The following GCNT4 variants were observed in gnomAD, a reference collection of about 807,000 sequenced individuals.
GCNT4 encodes the protein glucosaminyl (N-acetyl) transferase 4.
A neutral mutation model predicts 31.3 loss-of-function variants in GCNT4; 17 were observed. The ratio of observed to expected loss-of-function variants is 0.54; its 90% CI spans 0.37 to 0.81. The LOEUF (loss-of-function observed/expected upper bound fraction) is 0.81, where lower values mean the gene tolerates loss of function less well. Among genes scored for constraint, GCNT4 ranks in the 40% least tolerant of loss-of-function variants. The pLI is 0.00. For missense variants in GCNT4, 503 were observed against 525.5 expected (o/e 0.96, Z 0.42); for synonymous variants, 158 against 190.6 (o/e 0.83, Z 1.41).
intron 3 of GCNT4, among the ~76,000 whole-genome samples, chr5:75,036,764 C>T (rs917942951): frequency 3.9e-5 from 6 of 152,164 alleles, no homozygotes; most frequent in Admixed American, 2.0e-4. Flanking sequence ...TCTTCCAGCC[C>T]GTAGAATCAA....
rs1742990163 is a variant in GCNT4, at chr5:75,028,258, G to A, written c.*418C>T. ...CAGTACTTAAACACTACTCTGAAAT[G>A]GGTGGTTTATATGATCAGACGATTA... On this transcript the variant is annotated 3_prime_UTR_variant, in exon 4 of 4. Coordinates refer to ENST00000652361, the MANE Select transcript of GCNT4 (RefSeq NM_001366737.1). 6.0e-6 allele frequency: 1 copy of A among 167,274 alleles called. No individual in the cohort carries two copies. Among genetic ancestry groups the A allele is most frequent in the Non-Finnish European group, 1.3e-5 (1 of 77,988 alleles). The allele number at this position is 167,274 out of a possible 1,614,324, so 10.4% of individuals were successfully genotyped here. A position where few individuals can be genotyped will look rare whatever the true frequency, so the allele number is the denominator to read the frequency against.
chr5:75,050,795 T>C (rs1049167214), intron 2 of GCNT4, among the ~76,000 whole-genome samples: 6 of 152,168 alleles, frequency 3.9e-5, no homozygotes, highest in Non-Finnish European at 8.8e-5. Context: ...CGGCCTTGAA[T>C]CCGCCCAACG....
intron 3 of GCNT4, among the ~76,000 whole-genome samples, chr5:75,041,123 A>T (rs562005797): frequency 1.3e-5 from 2 of 152,262 alleles, no homozygotes; most frequent in Non-Finnish European, 2.9e-5. Context: ...TTTTATGGGC[A>T]ATTCTCCAGG....
intron 3 of GCNT4, chr5:75,030,828 A>C (rs541562164): frequency 5.1e-4 from 86 of 167,182 alleles, no homozygotes; most frequent in African/African-American, 2.0e-3. Context: ...TCAAGCACAA[A>C]GAGGTTCCCT....
At chr5:75,044,034 C>T (rs1394273111) in intron 3 of GCNT4, among the ~76,000 whole-genome samples, 1 of 152,164 alleles carries the variant, frequency 6.6e-6, no homozygotes, top group African/African-American at 2.4e-5. Flanking sequence ...GTCTGCTCGC[C>T]ACGCCTCAGT....
At chr5:75,046,573 T>C (rs535392501) in intron 3 of GCNT4, among the ~76,000 whole-genome samples, 1 of 152,080 alleles carries the variant, frequency 6.6e-6, no homozygotes, top group Non-Finnish European at 1.5e-5. Flanking sequence ...AGGTCTAACC[T>C]ACCCAAGAGC....
chr5:75,053,377 C>A (rs907736317), upstream of GCNT4, among the ~76,000 whole-genome samples: 3 of 152,068 alleles, frequency 2.0e-5, no homozygotes, highest in Admixed American at 2.0e-4. Flanking sequence ...GACGCGGCGC[C>A]GAAGTTTTCC....
upstream of GCNT4, chr5:75,052,645 C>G (rs1205277264): frequency 1.3e-5 from 2 of 152,198 alleles, no homozygotes; most frequent in Non-Finnish European, 2.9e-5. Flanking sequence ...CAGCTTCCGC[C>G]CCCAAAGAAC....
intron 3 of GCNT4, chr5:75,047,606 C>G (rs1580247350): frequency 6.6e-6 from 1 of 152,110 alleles, no homozygotes; most frequent in Non-Finnish European, 1.5e-5. Flanking sequence ...AAAAGCATTC[C>G]TACCACAAAG....
chr5:75,038,192 T>C (rs1420916557), intron 3 of GCNT4, among the ~76,000 whole-genome samples: 1 of 152,146 alleles, frequency 6.6e-6, no homozygotes, highest in Admixed American at 6.5e-5. Context: ...ATTATTACAG[T>C]GTAAACAAAT....
the GCNT4 span, among the ~76,000 whole-genome samples, chr5:75,020,236 C>A: frequency 6.6e-6 from 1 of 152,200 alleles, no homozygotes; most frequent in Non-Finnish European, 1.5e-5. Context: ...GGTATAACTG[C>A]CCTGCAGATG....
downstream of GCNT4, among the ~76,000 whole-genome samples, chr5:75,022,837 C>T (rs2149943347): frequency 6.6e-6 from 1 of 152,188 alleles, no homozygotes; most frequent in East Asian, 1.9e-4. Flanking sequence ...ATATAACTCC[C>T]ATCCTCATGG....
intron 3 of GCNT4, among the ~76,000 whole-genome samples, chr5:75,047,429 T>G: frequency 6.6e-6 from 1 of 152,154 alleles, no homozygotes; most frequent in East Asian, 1.9e-4. Flanking sequence ...TTGGAGCATC[T>G]TGGAGGAGGA....
upstream of GCNT4, chr5:75,052,892 C>G (rs1156655246): frequency 6.6e-6 from 1 of 152,340 alleles, no homozygotes; most frequent in Non-Finnish European, 1.5e-5. Context: ...GCGGGCCAGG[C>G]TGGGCGGCGC....
In GCNT4 at chr5:75,048,640, T is replaced by G. The variant is rs6861101; in HGVS notation, c.-142-603A>C. The stretch of plus-strand genomic sequence containing the variant: ...AAAGCTGAATGCAGGCTGCAAATCC[T>G]TGTTTCTATGAATAGTACCACCCAA... On this transcript the variant is annotated intron_variant, in intron 2 of 3. Transcript: ENST00000652361. Among the ~76,000 whole-genome samples the G allele has an allele frequency of 5.9e-5, 9 of 152,192 alleles. 1 individual carries two copies. In the East Asian group the frequency reaches 1.7e-3, roughly 29 times the overall value.
At position 75,029,861 on chromosome 5, in the gene GCNT4, T is replaced by A; in HGVS notation, c.177A>T (p.Arg59Ser). Residue 59 changes from arginine to serine, a missense_variant, in exon 4 of 4, where the codon AGA (arginine) becomes AGT (serine). Arg to Ser is a moderately radical substitution (Grantham distance 110). Coordinates refer to ENST00000652361, the MANE Select transcript of GCNT4 (RefSeq NM_001366737.1). Reference protein sequence around the residue: ...SLSTSPFVRNRYTHVKDEVRY... With the variant: ...SLSTSPFVRNSYTHVKDEVRY... Reference sequence around the variant, plus strand: ...TGACTTCATCCTTAACATGAGTGTATCTGTTTCTTACAAAAGGCGAGGTAC... The same window carrying A: ...TGACTTCATCCTTAACATGAGTGTAACTGTTTCTTACAAAAGGCGAGGTAC... The A allele has an allele frequency of 6.2e-7, 1 of 1,614,148 alleles. No individual in the cohort carries two copies. Among genetic ancestry groups the A allele is most frequent in the Non-Finnish European group, 8.5e-7 (1 of 1,180,008 alleles).
chr5:75,053,153 G>T (rs1253932011), upstream of GCNT4, among the ~76,000 whole-genome samples: 1 of 151,832 alleles, frequency 6.6e-6, no homozygotes, highest in African/African-American at 2.4e-5. Context: ...GAACTTCCCC[G>T]CGTCTGGCCG....
chr5:75,045,222 C>T (rs1426955834), intron 3 of GCNT4, among the ~76,000 whole-genome samples: 1 of 152,186 alleles, frequency 6.6e-6, no homozygotes, highest in Non-Finnish European at 1.5e-5. Flanking sequence ...ACCATCACCA[C>T]AATCCATCCA....
downstream of GCNT4, among the ~76,000 whole-genome samples, chr5:75,022,953 A>C (rs1293455991): frequency 6.6e-6 from 1 of 152,148 alleles, no homozygotes; most frequent in Non-Finnish European, 1.5e-5. Flanking sequence ...TTCCAAGCGC[A>C]CTCTCAGATG....
Sources: allele counts gnomAD v4.1 joint callset (sites outside exome capture counted in the v4.1 genomes callset), GRCh38; gene constraint gnomAD v4.1.1; transcripts MANE v1.5; gene names NCBI Gene and HGNC (gene_info 2026-07-23, HGNC 2026-07-21).